Variants in EVL observed in about 807,000 individuals in gnomAD.
The protein encoded by EVL is Enah/Vasp-like.
Under a neutral mutation model 59.6 loss-of-function variants are expected in EVL, and 21 were observed. That is an observed-to-expected ratio of 0.35 (90% CI 0.25 to 0.51). The LOEUF (loss-of-function observed/expected upper bound fraction) is 0.51, where lower values mean the gene tolerates loss of function less well. Ranked by LOEUF, EVL falls within the 20% of genes least tolerant of loss-of-function variation. The probability of loss-of-function intolerance (pLI) is 0.97; values close to 1 mark genes in which losing one functional copy is unlikely to be tolerated. For missense variants in EVL, 462 were observed against 546.6 expected (o/e 0.85, Z 1.54); for synonymous variants, 198 against 203.5 (o/e 0.97, Z 0.23).
chr14:100,051,783 C>T (rs2061651944), intron 1 of EVL, among the ~76,000 whole-genome samples: 1 of 152,156 alleles, frequency 6.6e-6, no homozygotes. Context: ...GGAGCCAGTT[C>T]CCTGGTTTCT....
intron 1 of EVL, among the ~76,000 whole-genome samples, chr14:100,014,400 T>C (rs1373983309): frequency 6.6e-6 from 1 of 152,290 alleles, no homozygotes; most frequent in Non-Finnish European, 1.5e-5. Flanking sequence ...CTTTCTGTGC[T>C]TGGCTTATTT....
At chr14:100,069,160 G>A (rs1437831455) in intron 1 of EVL, among the ~76,000 whole-genome samples, 1 of 152,156 alleles carries the variant, frequency 6.6e-6, no homozygotes, top group Non-Finnish European at 1.5e-5. Flanking sequence ...TTGAACTGCT[G>A]GATTTAATTA....
At chr14:100,080,416 G>A (rs2062271653) in intron 1 of EVL, among the ~76,000 whole-genome samples, 1 of 152,136 alleles carries the variant, frequency 6.6e-6, no homozygotes, top group Admixed American at 6.5e-5. Context: ...CCCCATGCTG[G>A]GCTCATGGAC....
intron 1 of EVL, among the ~76,000 whole-genome samples, chr14:100,029,604 C>T (rs534988685): frequency 3.3e-5 from 5 of 152,050 alleles, no homozygotes; most frequent in East Asian, 1.9e-4. Flanking sequence ...GTGCTGTGGC[C>T]GGGAGGTGGA....
chr14:100,057,699 A>G (rs901373800), intron 1 of EVL, among the ~76,000 whole-genome samples: 7 of 152,202 alleles, frequency 4.6e-5, no homozygotes, highest in Non-Finnish European at 7.3e-5. Flanking sequence ...TTTTAAAGAA[A>G]TGTCTCTCAG....
At chr14:100,024,902 A>G (rs568573868) in intron 1 of EVL, among the ~76,000 whole-genome samples, 10 of 151,994 alleles carry the variant, frequency 6.6e-5, no homozygotes, top group African/African-American at 2.2e-4. Flanking sequence ...TTGTTCAGTC[A>G]TTCTTGACCC....
rs1888099013 is a variant in EVL at position 100,126,779 on chromosome 14, CCCT to C, written c.487+14_487+16del. 1 of 1,613,140 alleles carries C rather than the reference CCCT, an allele frequency of 6.2e-7. No individual in the cohort carries two copies. The highest frequency in any genetic ancestry group is 2.2e-5 in the East Asian group (1 of 44,876). On this transcript the variant is annotated intron_variant, in intron 5 of 13. Coordinates refer to ENST00000392920, the MANE Select transcript of EVL (RefSeq NM_016337.3). ...GAAGAACCTCGGCCACAGGTGAGAG[CCCT>C]CCTCCCCTAGGGCCGACTCCCATGC... is the stretch of plus-strand genomic sequence containing the variant.
chr14:99,979,062 T>C (rs1393783150), intron 1 of EVL, among the ~76,000 whole-genome samples: 1 of 152,214 alleles, frequency 6.6e-6, no homozygotes, highest in Non-Finnish European at 1.5e-5. Context: ...TTTCATATTT[T>C]CATTGAGAAA....
chr14:100,130,470 CAG>C lies in EVL; in HGVS notation c.839+789_839+790del, dbSNP rs1432262794. ...CGGGAGTAGGCCTCACCTGCCAGAA[CAG>C]AGGAAGCTGCAGCGGGGGCCCTGCT... On this transcript the variant is annotated intron_variant, in intron 7 of 13. Transcript: ENST00000392920. The surrounding 1 kb of genome is among the most constrained non-coding windows in gnomAD (Gnocchi z 4.8). Among the ~76,000 whole-genome samples the C allele has an allele frequency of 6.6e-6, 1 of 152,214 alleles. No homozygotes were observed. The highest frequency in any genetic ancestry group is 1.9e-4 in the East Asian group (1 of 5,198).
chr14:100,094,377 T>G (rs559654645), intron 2 of EVL, among the ~76,000 whole-genome samples: 4 of 152,090 alleles, frequency 2.6e-5, no homozygotes, highest in Non-Finnish European at 5.9e-5. Context: ...CTTTGAGGTT[T>G]GGAAAAAAAG....
intron 1 of EVL, among the ~76,000 whole-genome samples, chr14:100,045,315 C>T (rs1595087108): frequency 6.6e-6 from 1 of 152,208 alleles, no homozygotes; most frequent in East Asian, 1.9e-4. Flanking sequence ...AAGGGCCCTC[C>T]TGTGCTCTCA....
chr14:100,135,208 C>A (rs1219850694), intron 8 of EVL: 1 of 152,216 alleles, frequency 6.6e-6, no homozygotes, highest in Non-Finnish European at 1.5e-5. Flanking sequence ...GCAGGGCGTT[C>A]CTGATTCTCG....
chr14:100,070,262 A>C (rs2062021974), intron 1 of EVL, among the ~76,000 whole-genome samples: 1 of 151,976 alleles, frequency 6.6e-6, no homozygotes, highest in South Asian at 2.1e-4. Flanking sequence ...GCAAGACCCT[A>C]CCTCAAAAAG....
intron 11 of EVL, chr14:100,138,373 A>G (rs532957713): frequency 4.4e-4 from 68 of 154,530 alleles, no homozygotes; most frequent in Non-Finnish European, 8.6e-4. Flanking sequence ...AAAAGCTGGC[A>G]TGACAACATG....
intron 1 of EVL, among the ~76,000 whole-genome samples, chr14:99,979,167 C>A (rs951724757): frequency 6.6e-6 from 1 of 151,936 alleles, no homozygotes; most frequent in Admixed American, 6.6e-5. Context: ...TCTCACCGCC[C>A]ATACACAAAT....
At chr14:100,053,985 G>T (rs370236344) in intron 1 of EVL, among the ~76,000 whole-genome samples, 1 of 146,088 alleles carries the variant, frequency 6.8e-6, no homozygotes, top group African/African-American at 2.5e-5. Context: ...AGGAAGTTCC[G>T]TATTAATTAG....
chr14:100,103,460 T>C (rs1344738472), intron 3 of EVL, among the ~76,000 whole-genome samples: 2 of 152,044 alleles, frequency 1.3e-5, no homozygotes, highest in Non-Finnish European at 2.9e-5. Context: ...CAGCAAAGCT[T>C]TCCTCCTCCT....
At position 100,144,051 on chromosome 14, in the gene EVL, C is replaced by T; in HGVS notation, c.*313C>T. 4.9e-6 allele frequency: 2 copies of T among 408,822 alleles called. No homozygotes were observed. Among genetic ancestry groups the T allele is most frequent in the South Asian group, 6.7e-5 (2 of 29,670 alleles). 25.3% of individuals were successfully genotyped at this position (408,822 alleles called of 1,614,324 possible). A position where few individuals can be genotyped will look rare whatever the true frequency, so the allele number is the denominator to read the frequency against. ...GTCACCTGCTTCATTAGACGGTTTC[C>T]AGGTTTTCTCCCAGGTGACGCTGTT... On this transcript the variant is annotated 3_prime_UTR_variant, in exon 14 of 14. Coordinates refer to ENST00000392920, the MANE Select transcript of EVL (RefSeq NM_016337.3).
intron 1 of EVL, among the ~76,000 whole-genome samples, chr14:100,040,576 T>C (rs1417024392): frequency 6.6e-6 from 1 of 152,204 alleles, no homozygotes; most frequent in Admixed American, 6.5e-5. Context: ...AAGGAGGTCT[T>C]CCTTTCCTTT....
Sources: allele counts gnomAD v4.1 joint callset (sites outside exome capture counted in the v4.1 genomes callset), GRCh38; gene constraint gnomAD v4.1.1; non-coding constraint Gnocchi (gnomAD v3.1); transcripts MANE v1.5; gene names NCBI Gene and HGNC (gene_info 2026-07-23, HGNC 2026-07-21).